Variants in MYO9A observed in about 807,000 individuals in gnomAD.
The protein encoded by MYO9A is unconventional myosin-IXa.
Under a neutral mutation model 293.3 loss-of-function variants are expected in MYO9A, and 103 were observed. That is an observed-to-expected ratio of 0.35 (90% CI 0.30 to 0.41). The LOEUF (loss-of-function observed/expected upper bound fraction) is 0.41. MYO9A is among the 10% of genes least tolerant of loss of function. The probability of loss-of-function intolerance (pLI) is 1.00; values close to 1 mark genes in which losing one functional copy is unlikely to be tolerated. For synonymous variants in MYO9A, 1,001 were observed against 1,035.7 expected, an observed-to-expected ratio of 0.97 and a Z score of 0.64; for missense variants, 2,685 against 3,033.0, an observed-to-expected ratio of 0.89 and a Z score of 2.69.
chr15:72,031,933 G>C (rs902679666), intron 3 of MYO9A, among the ~76,000 whole-genome samples: 1 of 151,984 alleles, frequency 6.6e-6, no homozygotes, highest in East Asian at 1.9e-4. Context: ...GAGAGACAGA[G>C]TCTCGCTCTG....
At chr15:71,845,828 G>C (rs2055361449) in intron 39 of MYO9A, among the ~76,000 whole-genome samples, 1 of 152,114 alleles carries the variant, frequency 6.6e-6, no homozygotes. Flanking sequence ...CATACTAATG[G>C]TTATCTCAAG....
At chr15:71,851,230 G>T in intron 37 of MYO9A, 23 bp downstream of exon 37, 2 of 1,542,378 alleles carry the variant, frequency 1.3e-6, no homozygotes, top group African/African-American at 1.4e-5. Flanking sequence ...ATTAAAAATC[G>T]TTCCCTTGCT....
chr15:71,886,758 T>C (rs1016322279), intron 27 of MYO9A, among the ~76,000 whole-genome samples: 1 of 152,114 alleles, frequency 6.6e-6, no homozygotes, highest in Non-Finnish European at 1.5e-5. Context: ...AAGTCCTTCG[T>C]AGATTTTGTC....
Position 71,902,936 on chromosome 15 carries a change from T to G in MYO9A, c.3000+5A>C, listed in dbSNP as rs746689325. ...TTTGACCAGAGCTATACAGATTATA[T>G]TTACCATGGTTTTTCCAACTTGATA... is the stretch of plus-strand genomic sequence containing the variant. On this transcript the variant is annotated splice_donor_5th_base_variant and intron_variant, in intron 22 of 41. Coordinates refer to ENST00000356056, the MANE Select transcript of MYO9A (RefSeq NM_006901.4). 1 of 1,565,436 alleles carries G rather than the reference T, an allele frequency of 6.4e-7. No individual in the cohort carries two copies. Among genetic ancestry groups the G allele is most frequent in the South Asian group, 1.2e-5 (1 of 86,256 alleles).
chr15:71,955,943 T>G (rs1427228043), intron 14 of MYO9A, among the ~76,000 whole-genome samples: 1 of 152,112 alleles, frequency 6.6e-6, no homozygotes, highest in Non-Finnish European at 1.5e-5. Flanking sequence ...AATGATACAA[T>G]ATTCCATTTT....
chr15:72,099,909 C>CAAAAA (rs34892673), intron 1 of MYO9A, among the ~76,000 whole-genome samples: 3 of 39,790 alleles, frequency 7.5e-5, no homozygotes, highest in African/African-American at 1.3e-4. Flanking sequence ...GACTTGGTCT[C>CAAAAA]AAAAAAAAAA....
At chr15:71,995,696 A>G (rs1228356623) in intron 9 of MYO9A, among the ~76,000 whole-genome samples, 1 of 152,100 alleles carries the variant, frequency 6.6e-6, no homozygotes, top group East Asian at 1.9e-4. Flanking sequence ...ATTCAGGTAC[A>G]TATTTATAAC....
chr15:72,055,808 AT>A (rs1888159567), intron 1 of MYO9A, among the ~76,000 whole-genome samples: 2 of 152,258 alleles, frequency 1.3e-5, no homozygotes, highest in African/African-American at 2.4e-5. Flanking sequence ...AATCAAAAAA[AT>A]AATAGATGCT....
intron 16 of MYO9A, among the ~76,000 whole-genome samples, chr15:71,936,113 C>A (rs547307040): frequency 3.9e-5 from 6 of 152,034 alleles, no homozygotes; most frequent in African/African-American, 1.4e-4. Flanking sequence ...TATATACATA[C>A]AATGGAATGC....
chr15:72,111,281 G>A (rs961988240), intron 1 of MYO9A, among the ~76,000 whole-genome samples: 1 of 151,774 alleles, frequency 6.6e-6, no homozygotes, highest in African/African-American at 2.4e-5. Context: ...CTTGAGGTCA[G>A]GAGTTCAAGA....
At chr15:72,023,169 G>A (rs1429686533) in intron 4 of MYO9A, among the ~76,000 whole-genome samples, 1 of 152,114 alleles carries the variant, frequency 6.6e-6, no homozygotes, top group African/African-American at 2.4e-5. Context: ...GTATCCAGAG[G>A]AGCTCAACAG....
intron 32 of MYO9A, among the ~76,000 whole-genome samples, chr15:71,872,773 T>A (rs2056555771): frequency 6.6e-6 from 1 of 152,196 alleles, no homozygotes; most frequent in African/African-American, 2.4e-5. Context: ...TGTGTGTATA[T>A]GTCTGTGTGT....
At chr15:72,028,260 A>G (rs1259164979) in intron 3 of MYO9A, among the ~76,000 whole-genome samples, 4 of 144,578 alleles carry the variant, frequency 2.8e-5, no homozygotes, top group Non-Finnish European at 6.0e-5. Context: ...TGTACATACT[A>G]TTATAATTGT....
chr15:72,064,267 C>G (rs1037825819), intron 1 of MYO9A, among the ~76,000 whole-genome samples: 1 of 151,872 alleles, frequency 6.6e-6, no homozygotes, highest in East Asian at 1.9e-4. Context: ...AGGGTGACTA[C>G]GGTCAACAAT....
intron 32 of MYO9A, among the ~76,000 whole-genome samples, chr15:71,875,536 G>C (rs968761753): frequency 1.3e-5 from 2 of 152,010 alleles, no homozygotes; most frequent in African/African-American, 4.8e-5. Flanking sequence ...CCCACCCCTA[G>C]TTCTGAAAAG....
At chr15:72,028,218 A>AATATATATATATATATATATAAAAAT (rs2077739293) in intron 3 of MYO9A, among the ~76,000 whole-genome samples, 1 of 134,254 alleles carries the variant, frequency 7.4e-6, no homozygotes, top group African/African-American at 2.7e-5. Flanking sequence ...TAAATAAATA[A>AATATATATATATATATATATAAAAAT]ATATATATAT....
intron 1 of MYO9A, among the ~76,000 whole-genome samples, chr15:72,082,043 A>G (rs2079561446): frequency 6.6e-6 from 1 of 152,092 alleles, no homozygotes; most frequent in South Asian, 2.1e-4. Flanking sequence ...TCAATTTTTA[A>G]ATATTTTTTT....
chr15:71,899,628 G>A (rs1385989050), intron 24 of MYO9A, 59 bp downstream of exon 24: 1 of 1,412,048 alleles, frequency 7.1e-7, no homozygotes, highest in Non-Finnish European at 9.7e-7. Flanking sequence ...TAATGCAGAG[G>A]TATAAACAAA....
intron 4 of MYO9A, among the ~76,000 whole-genome samples, chr15:72,027,022 T>A (rs2077694953): frequency 6.6e-6 from 1 of 152,208 alleles, no homozygotes; most frequent in African/African-American, 2.4e-5. Flanking sequence ...TTTAAAGAAT[T>A]AACCCAATCC....
Sources: gnomAD v4.1 joint callset for allele counts (sites outside exome capture counted in the v4.1 genomes callset) on GRCh38, gnomAD v4.1.1 for gene constraint, MANE v1.5 for transcripts, NCBI Gene and HGNC (gene_info 2026-07-23, HGNC 2026-07-21) for gene names.